The following DPP10 variants were observed in gnomAD, a reference collection of about 807,000 sequenced individuals.
DPP10 encodes dipeptidyl peptidase like 10, also known as inactive dipeptidyl peptidase 10.
In DPP10, 33 loss-of-function variants were observed where a neutral mutation model predicts 120.9. The ratio of observed to expected loss-of-function variants is 0.27; its 90% CI spans 0.21 to 0.37. The LOEUF is 0.37. DPP10 is among the 10% of genes least tolerant of loss of function. DPP10 has a pLI of 1.00. For missense variants in DPP10, 816 were observed against 942.8 expected (o/e 0.87, Z 1.76); for synonymous variants, 337 against 326.1 (o/e 1.03, Z -0.36).
At chr2:114,514,873 G>A (rs1684462876) in intron 1 of DPP10, among the ~76,000 whole-genome samples, 1 of 151,622 alleles carries the variant, frequency 6.6e-6, no homozygotes, top group Non-Finnish European at 1.5e-5. Context: ...AGCAACAGGA[G>A]TTACCCATTA....
chr2:115,076,448 T>C (rs1707804768), intron 1 of DPP10, among the ~76,000 whole-genome samples: 1 of 152,076 alleles, frequency 6.6e-6, no homozygotes, highest in South Asian at 2.1e-4. Context: ...GAGAGTGTGC[T>C]AAATCTATAG....
At chr2:115,245,389 C>T (rs1456993686) in intron 1 of DPP10, among the ~76,000 whole-genome samples, 1 of 151,958 alleles carries the variant, frequency 6.6e-6, no homozygotes. Context: ...TGCTCAACAT[C>T]ACTAATTATC....
chr2:115,720,036 G>C (rs1227630319), intron 7 of DPP10, among the ~76,000 whole-genome samples: 1 of 152,080 alleles, frequency 6.6e-6, no homozygotes, highest in Non-Finnish European at 1.5e-5. Context: ...ACCCATATAA[G>C]TTTCTGTTAG....
chr2:114,595,287 T>C (rs1691817171), intron 1 of DPP10, among the ~76,000 whole-genome samples: 1 of 152,024 alleles, frequency 6.6e-6, no homozygotes. Context: ...AAAAAAAAGA[T>C]GCATAAGGAG....
At chr2:114,677,978 T>G (rs1218935488) in intron 1 of DPP10, among the ~76,000 whole-genome samples, 2 of 152,068 alleles carry the variant, frequency 1.3e-5, no homozygotes, top group African/African-American at 4.8e-5. Flanking sequence ...AGATATGGAG[T>G]GTTTTCATTA....
At chr2:114,475,472 TCTCTCTCTCTGCCC>T (rs1186267147) in intron 1 of DPP10, among the ~76,000 whole-genome samples, 2 of 151,828 alleles carry the variant, frequency 1.3e-5, no homozygotes, top group African/African-American at 4.8e-5. Context: ...ACTGGTTTTC[TCTCTCTCTCTGCCC>T]CTCTCTCTCT....
At chr2:115,389,550 A>G (rs2067187227) in intron 3 of DPP10, among the ~76,000 whole-genome samples, 1 of 152,182 alleles carries the variant, frequency 6.6e-6, no homozygotes, top group African/African-American at 2.4e-5. Flanking sequence ...CGATGTAATG[A>G]ACTAAATAAT....
In DPP10 at chr2:115,772,335, T is replaced by C. The variant is rs1011532819; in HGVS notation, c.1221+3931T>C. The stretch of plus-strand genomic sequence containing the variant: ...TCACTGTATATAAAGCTTATTTATA[T>C]TGTGGATTATTTCTTTAGTATTGAT... On this transcript the variant is annotated intron_variant, in intron 13 of 25. Transcript: ENST00000410059. 2.0e-5 allele frequency among the ~76,000 whole-genome samples: 3 copies of C among 152,156 alleles called. No individual in the cohort carries two copies. In the South Asian group the frequency reaches 6.2e-4, roughly 31 times the overall value.
rs528845006 is a variant in DPP10 at position 115,239,772 on chromosome 2, G to T, written c.61-69467G>T. 5.9e-5 allele frequency among the ~76,000 whole-genome samples: 9 copies of T among 151,974 alleles called. No homozygotes were observed. The South Asian group carries it at 1.9e-3, about 32-fold the overall frequency. ...CTCCTAGCCCCCCACCCTCCGACAG[G>T]CCCCAGTATGTGATGTTCCCCTCCT... On this transcript the variant is annotated intron_variant, in intron 1 of 25. Coordinates refer to ENST00000410059, the MANE Select transcript of DPP10 (RefSeq NM_020868.6).
intron 2 of DPP10, among the ~76,000 whole-genome samples, chr2:115,336,804 G>A (rs1158178175): frequency 6.6e-6 from 1 of 151,922 alleles, no homozygotes; most frequent in Non-Finnish European, 1.5e-5. Context: ...TTGAAAGAGT[G>A]TCTCAAAATG....
intron 1 of DPP10, among the ~76,000 whole-genome samples, chr2:114,847,234 C>T (rs1219697963): frequency 6.6e-6 from 1 of 152,102 alleles, no homozygotes; most frequent in African/African-American, 2.4e-5. Context: ...CCAATTTCTA[C>T]AGGCTCCTTC....
chr2:114,468,279 G>A (rs1679585590), intron 1 of DPP10, among the ~76,000 whole-genome samples: 1 of 151,540 alleles, frequency 6.6e-6, no homozygotes, highest in South Asian at 2.1e-4. Context: ...AAAAGTAGTA[G>A]CAAGAGGTCC....
intron 11 of DPP10, among the ~76,000 whole-genome samples, chr2:115,760,969 C>T (rs1287849441): frequency 1.3e-5 from 2 of 151,876 alleles, no homozygotes; most frequent in Admixed American, 6.6e-5. Flanking sequence ...TGGTGGCACA[C>T]GCCTGTAATA....
intron 1 of DPP10, among the ~76,000 whole-genome samples, chr2:114,643,909 A>G (rs1695906017): frequency 7.0e-6 from 1 of 143,526 alleles, no homozygotes; most frequent in Non-Finnish European, 1.5e-5. Context: ...GTGTATATAT[A>G]TATGTGTGTG....
At chr2:114,499,251 C>T (rs550150224) in intron 1 of DPP10, among the ~76,000 whole-genome samples, 11 of 152,174 alleles carry the variant, frequency 7.2e-5, no homozygotes, top group Non-Finnish European at 1.5e-4. Flanking sequence ...AGGGCACATG[C>T]TCACTCCTCA....
chr2:115,585,977 C>T (rs114264298), intron 5 of DPP10, among the ~76,000 whole-genome samples: 1 of 152,230 alleles, frequency 6.6e-6, no homozygotes, highest in East Asian at 1.9e-4. Context: ...GTTTATGTAA[C>T]TTGTCCTTTT....
intron 3 of DPP10, among the ~76,000 whole-genome samples, chr2:115,392,480 G>A (rs866676805): frequency 1.8e-4 from 27 of 151,882 alleles, no homozygotes; most frequent in South Asian, 6.2e-4. Context: ...AAAGATGTAT[G>A]CTTTCATTAA....
At chr2:114,797,879 G>A (rs1683854758) in intron 1 of DPP10, among the ~76,000 whole-genome samples, 1 of 152,032 alleles carries the variant, frequency 6.6e-6, no homozygotes, top group Non-Finnish European at 1.5e-5. Flanking sequence ...GGGGAGAAAG[G>A]GTATTTTTAT....
At position 115,103,996 on chromosome 2, in the gene DPP10, C is replaced by T. The variant is rs182406837; in HGVS notation, c.61-205243C>T. On this transcript the variant is annotated intron_variant, in intron 1 of 25. Transcript: ENST00000410059. ...CTGAAATTTATTTCTGTTTCATATA[C>T]ACCTTAACACACAGCCTGGAGGTGA... Among the ~76,000 whole-genome samples, 108 of 152,210 alleles carry T rather than the reference C, an allele frequency of 7.1e-4. 2 individuals carry two copies. The Middle Eastern group carries it at 0.02, about 29-fold the overall frequency.
Sources: gnomAD v4.1 joint callset for allele counts (sites outside exome capture counted in the v4.1 genomes callset) on GRCh38, gnomAD v4.1.1 for gene constraint, MANE v1.5 for transcripts, NCBI Gene and HGNC (gene_info 2026-07-23, HGNC 2026-07-21) for gene names.